INPP5A: variants seen among roughly 807,000 people sequenced by gnomAD.
The protein encoded by INPP5A is 43 kDa inositol polyphosphate 5-phophatase.
In INPP5A, 14 loss-of-function variants were observed where a neutral mutation model predicts 65.2. The ratio of observed to expected loss-of-function variants is 0.21; its 90% confidence interval spans 0.14 to 0.34. INPP5A has a LOEUF of 0.34. Among genes scored for constraint, INPP5A ranks in the 10% least tolerant of loss-of-function variants. The probability of loss-of-function intolerance (pLI) is 1.00; values close to 1 mark genes in which losing one functional copy is unlikely to be tolerated. For synonymous variants in INPP5A, 207 were observed against 208.3 expected (o/e 0.99, Z 0.05); for missense variants, 431 against 545.6 (o/e 0.79, Z 2.09).
intron 5 of INPP5A, among the ~76,000 whole-genome samples, chr10:132,695,783 A>G (rs1161238309): frequency 6.6e-6 from 1 of 152,276 alleles, no homozygotes; most frequent in Non-Finnish European, 1.5e-5. Flanking sequence ...TTAGGAATAA[A>G]TCTAACAAAT....
At chr10:132,611,519 G>A (rs2071950258) in intron 2 of INPP5A, among the ~76,000 whole-genome samples, 1 of 139,906 alleles carries the variant, frequency 7.1e-6, no homozygotes, top group Admixed American at 7.1e-5. Flanking sequence ...GGTGAGGTGG[G>A]AAGGGGCGAG....
At chr10:132,577,695 T>C (rs1161922148) in intron 1 of INPP5A, among the ~76,000 whole-genome samples, 2 of 152,018 alleles carry the variant, frequency 1.3e-5, no homozygotes, top group Non-Finnish European at 2.9e-5. Flanking sequence ...CCTGAGGAGA[T>C]GGATGAGGTG....
At chr10:132,703,286 C>G (rs528051581) in intron 6 of INPP5A, among the ~76,000 whole-genome samples, 1 of 152,240 alleles carries the variant, frequency 6.6e-6, no homozygotes, top group African/African-American at 2.4e-5. Context: ...GCCTCCTGCA[C>G]AACCCTGTGC....
At chr10:132,571,124 G>A (rs1254512544) in intron 1 of INPP5A, among the ~76,000 whole-genome samples, 2 of 152,258 alleles carry the variant, frequency 1.3e-5, no homozygotes, top group Admixed American at 6.5e-5. Context: ...CGTGGGCTCC[G>A]CCCTGGGCCC....
intron 12 of INPP5A, among the ~76,000 whole-genome samples, chr10:132,773,030 A>G (rs1846984519): frequency 6.6e-6 from 1 of 152,258 alleles, no homozygotes; most frequent in African/African-American, 2.4e-5. Flanking sequence ...CTGGGACTCC[A>G]CAGGGTGCTG....
intron 2 of INPP5A, among the ~76,000 whole-genome samples, chr10:132,622,342 G>A (rs909791753): frequency 2.0e-5 from 3 of 148,110 alleles, no homozygotes; most frequent in Admixed American, 6.8e-5. Context: ...ACTCAGTTAC[G>A]CTGACGTGTT....
intron 12 of INPP5A, among the ~76,000 whole-genome samples, chr10:132,773,883 C>T (rs1460013281): frequency 6.6e-6 from 1 of 152,202 alleles, no homozygotes. Context: ...CCCTCAGCCT[C>T]CCAAGTAGCT....
intron 2 of INPP5A, among the ~76,000 whole-genome samples, chr10:132,611,582 C>CA (rs1564934025): frequency 1.6e-5 from 2 of 125,114 alleles, no homozygotes; most frequent in African/African-American, 3.1e-5. Flanking sequence ...GAGGCCCTGT[C>CA]AGGGGAGGGT....
chr10:132,625,722 C>T lies in INPP5A; in HGVS notation c.117+17766C>T, dbSNP rs184060931. ...TCCTTTCTTTGGCTGAGGTCAGGGG[C>T]GTGCCTTGGCCCTGGGCATTGCACG... On this transcript the variant is annotated intron_variant, in intron 2 of 15. Transcript: ENST00000368594. Among the ~76,000 whole-genome samples, 157 of 152,156 alleles carry T rather than the reference C, an allele frequency of 1.0e-3. 1 individual carries two copies. The highest frequency in any genetic ancestry group is 1.0e-2 in the South Asian group (48 of 4,816).
intron 12 of INPP5A, among the ~76,000 whole-genome samples, chr10:132,768,484 C>T (rs563197762): frequency 1.1e-4 from 16 of 152,378 alleles, no homozygotes; most frequent in African/African-American, 2.4e-4. Flanking sequence ...GTGAGATCAG[C>T]TTCCGCTTTC....
intron 12 of INPP5A, among the ~76,000 whole-genome samples, chr10:132,774,223 C>T (rs564566241): frequency 7.2e-5 from 11 of 152,338 alleles, no homozygotes; most frequent in Admixed American, 2.0e-4. Flanking sequence ...GTGTCTGAAG[C>T]CAGCATTGCC....
At chr10:132,781,331 T>C (rs574078178) in intron 14 of INPP5A, among the ~76,000 whole-genome samples, 4 of 152,354 alleles carry the variant, frequency 2.6e-5, no homozygotes, top group Admixed American at 1.3e-4. Context: ...CTCCCCACCG[T>C]GTGCCAAGGG....
chr10:132,543,983 G>A (rs2133243114), intron 1 of INPP5A, among the ~76,000 whole-genome samples: 1 of 152,376 alleles, frequency 6.6e-6, no homozygotes, highest in African/African-American at 2.4e-5. Flanking sequence ...GCTGTTGGGT[G>A]TGCATAGTCT....
rs60359859 is a variant in INPP5A at position 132,674,783 on chromosome 10, C to T, written c.307-15609C>T. ...GGTGACTTGATGACCCATAGACAAA[C>T]GTTCAGTTTCCACCAAAGCCCAGTA... is the stretch of plus-strand genomic sequence containing the variant. On this transcript the variant is annotated intron_variant, in intron 4 of 15. Coordinates refer to ENST00000368594, the MANE Select transcript of INPP5A (RefSeq NM_005539.5). The surrounding 1 kb of genome is among the most constrained non-coding windows in gnomAD (Gnocchi z 4.4). Among the ~76,000 whole-genome samples, 2,851 of 152,246 alleles carry T rather than the reference C, an allele frequency of 0.019. 93 individuals are homozygous for T. Among genetic ancestry groups the T allele is most frequent in the African/African-American group, 0.065 (2,697 of 41,510 alleles).
intron 1 of INPP5A, among the ~76,000 whole-genome samples, chr10:132,548,509 A>T (rs1342065834): frequency 6.6e-6 from 1 of 152,158 alleles, no homozygotes; most frequent in Non-Finnish European, 1.5e-5. Context: ...TTTGAATAGC[A>T]TGCAGTTCAC....
At position 132,780,838 on chromosome 10, in the gene INPP5A, C is replaced by T. The variant is rs1395424195; in HGVS notation, c.1090-11C>T. 8.7e-6 allele frequency: 14 copies of T among 1,612,868 alleles called. No homozygotes were observed. Among genetic ancestry groups the T allele is most frequent in the Middle Eastern group, 3.3e-4 (2 of 6,060 alleles). On this transcript the variant is annotated splice_polypyrimidine_tract_variant and intron_variant, in intron 13 of 15. Coordinates refer to ENST00000368594, the MANE Select transcript of INPP5A (RefSeq NM_005539.5). ...CCTCCCCACACTCACCTGTCTGTTT[C>T]CCCTTTCCAGTCGGAGAGCGAGGAG...
At chr10:132,683,642 A>G (rs1481282138) in intron 4 of INPP5A, among the ~76,000 whole-genome samples, 1 of 152,252 alleles carries the variant, frequency 6.6e-6, no homozygotes, top group East Asian at 1.9e-4. Flanking sequence ...TTATTATAGC[A>G]TCAATTACAA....
rs748904085 is a variant in INPP5A, at chr10:132,538,196, G to A, written c.75+25G>A. On this transcript the variant is annotated intron_variant, in intron 1 of 15. Transcript: ENST00000368594. This position sits in a 1 kb window ranked among gnomAD's most constrained non-coding sequence, Gnocchi z 4.1. ...CGTAAGTCCCCCGTGCCGGCGGCAG[G>A]CCCCAAGCCCGGAACCCCCGACCCT... is the stretch of plus-strand genomic sequence containing the variant. 4 of 1,256,192 alleles carry A rather than the reference G, an allele frequency of 3.2e-6. No homozygotes were observed. Among genetic ancestry groups the A allele is most frequent in the Non-Finnish European group, 4.0e-6 (4 of 995,780 alleles). 77.8% of individuals were successfully genotyped at this position (1,256,192 alleles called of 1,614,324 possible). A position where few individuals can be genotyped will look rare whatever the true frequency, so the allele number is the denominator to read the frequency against.
intron 6 of INPP5A, among the ~76,000 whole-genome samples, chr10:132,702,422 C>G (rs1845451500): frequency 6.6e-6 from 1 of 152,194 alleles, no homozygotes; most frequent in Non-Finnish European, 1.5e-5. Flanking sequence ...CACATAGATT[C>G]AAGACACACA....
Sources: gnomAD v4.1 joint callset for allele counts (sites outside exome capture counted in the v4.1 genomes callset) on GRCh38, gnomAD v4.1.1 for gene constraint, Gnocchi (gnomAD v3.1) non-coding constraint, MANE v1.5 for transcripts, NCBI Gene and HGNC (gene_info 2026-07-23, HGNC 2026-07-21) for gene names.